The following ARMC2 variants were observed in gnomAD, a reference collection of about 807,000 sequenced individuals.
ARMC2 encodes the protein armadillo repeat-containing protein 2.
A neutral mutation model predicts 90.3 loss-of-function variants in ARMC2; 67 were observed. The ratio of observed to expected loss-of-function variants is 0.74; its 90% CI spans 0.61 to 0.91. The LOEUF (loss-of-function observed/expected upper bound fraction) is 0.91. ARMC2 is among the 40% of genes least tolerant of loss of function. The pLI is 0.00. For missense variants in ARMC2, 920 were observed against 1,030.9 expected (o/e 0.89, Z 1.47); for synonymous variants, 393 against 393.0 (o/e 1.00, Z 0.00).
the ARMC2 span, among the ~76,000 whole-genome samples, chr6:109,014,649 T>C: frequency 6.6e-6 from 1 of 152,160 alleles, no homozygotes; most frequent in African/African-American, 2.4e-5. Flanking sequence ...TTTTGTTTTG[T>C]TTTTAAGAAA....
chr6:108,945,667 A>G (rs147980182), intron 12 of ARMC2, among the ~76,000 whole-genome samples: 15 of 152,372 alleles, frequency 9.8e-5, no homozygotes, highest in African/African-American at 3.1e-4. Flanking sequence ...GTCTTCAGCC[A>G]TGTATGCACA....
intron 5 of ARMC2, chr6:108,880,077 A>C: frequency 2.6e-6 from 1 of 385,668 alleles, no homozygotes; most frequent in Non-Finnish European, 5.1e-6. Context: ...CAATGAAAGC[A>C]GCAAAGAATG....
At chr6:108,946,694 G>A (rs1209170440) in intron 12 of ARMC2, among the ~76,000 whole-genome samples, 3 of 152,184 alleles carry the variant, frequency 2.0e-5, no homozygotes, top group Admixed American at 6.5e-5. Context: ...CGGATTTTAA[G>A]TATATTTACA....
At chr6:108,999,406 T>G in the ARMC2 span, among the ~76,000 whole-genome samples, 1 of 152,200 alleles carries the variant, frequency 6.6e-6, no homozygotes, top group Non-Finnish European at 1.5e-5. Flanking sequence ...ATAGTATCTA[T>G]TCTATGAAAT....
rs1322448150 is a variant in ARMC2 at position 108,927,381 on chromosome 6, T to C, written c.1351-707T>C. Among the ~76,000 whole-genome samples the C allele has an allele frequency of 1.6e-4, 25 of 152,330 alleles. No individual in the cohort carries two copies. The East Asian group carries it at 3.3e-3, about 20-fold the overall frequency. Reference sequence around the variant, plus strand: ...AGGTTAAATAACTAACCCAGGCTGATGGGTGGTGAGGCTGAACTGGCTCTT... The same window carrying C: ...AGGTTAAATAACTAACCCAGGCTGACGGGTGGTGAGGCTGAACTGGCTCTT... On this transcript the variant is annotated intron_variant, in intron 10 of 17. Coordinates refer to ENST00000392644, the MANE Select transcript of ARMC2 (RefSeq NM_032131.6).
At chr6:108,883,678 C>G (rs1777808455) in intron 5 of ARMC2, among the ~76,000 whole-genome samples, 1 of 152,206 alleles carries the variant, frequency 6.6e-6, no homozygotes, top group Admixed American at 6.5e-5. Context: ...AAACTATTCT[C>G]TCTTTGTGAA....
chr6:108,881,618 A>C (rs1298166129), intron 5 of ARMC2, among the ~76,000 whole-genome samples: 1 of 152,184 alleles, frequency 6.6e-6, no homozygotes, highest in East Asian at 1.9e-4. Flanking sequence ...TAAGGACTCC[A>C]TTCAAGATCC....
chr6:108,860,004 TAAAAA>T (rs140061937), intron 3 of ARMC2, among the ~76,000 whole-genome samples: 1 of 135,806 alleles, frequency 7.4e-6, no homozygotes, highest in African/African-American at 2.8e-5. Context: ...AACTCTGTCT[TAAAAA>T]AAAAAAAAAA....
At chr6:108,992,769 T>A in the ARMC2 span, 1 of 1,467,462 alleles carries the variant, frequency 6.8e-7, no homozygotes, top group Non-Finnish European at 9.6e-7. Context: ...ATCATGTGCA[T>A]ACAAGTTGCA....
At position 108,910,983 on chromosome 6, in the gene ARMC2, C is replaced by A; in HGVS notation, c.1108C>A (p.Gln370Lys). 6.3e-7 allele frequency: 1 copy of A among 1,579,426 alleles called. No individual in the cohort carries two copies. Among genetic ancestry groups the A allele is most frequent in the South Asian group, 1.2e-5 (1 of 83,554 alleles). ...GAATGAGAAGAATGATTCTTTGATT[C>A]AAAATGACAGCATTCTGGGTGAGTG... Reference protein sequence around the residue: ...SRNEKNDSLIQNDSILESLLE... With the variant: ...SRNEKNDSLIKNDSILESLLE... The change falls in exon 9 of 18, where the codon CAA becomes AAA. Residue 370 changes from glutamine (Q) to lysine (K), a missense_variant. Transcript: ENST00000392644.
intron 1 of ARMC2, 74 bp from the exon 2 acceptor site, chr6:108,854,151 G>A: frequency 1.4e-6 from 1 of 733,202 alleles, no homozygotes; most frequent in African/African-American, 1.8e-5. Context: ...TTTAGTATAT[G>A]GATGGGCTTA....
chr6:108,913,640 T>G (rs1348273730), intron 10 of ARMC2, among the ~76,000 whole-genome samples: 2 of 152,220 alleles, frequency 1.3e-5, no homozygotes, highest in Non-Finnish European at 2.9e-5. Context: ...TCACCTGCAA[T>G]TTTTTCACCC....
At chr6:109,011,071 A>C in the ARMC2 span, among the ~76,000 whole-genome samples, 9 of 150,640 alleles carry the variant, frequency 6.0e-5, no homozygotes, top group South Asian at 1.9e-3. Context: ...TGAAGGAATC[A>C]CAGTTTTAGT....
intron 1 of ARMC2, among the ~76,000 whole-genome samples, chr6:108,851,792 A>G (rs1423393060): frequency 6.6e-6 from 1 of 152,156 alleles, no homozygotes; most frequent in Non-Finnish European, 1.5e-5. Flanking sequence ...ATTATTTTTT[A>G]AAAGATTCTA....
chr6:108,892,781 G>T (rs536405381), intron 5 of ARMC2, among the ~76,000 whole-genome samples: 5 of 151,116 alleles, frequency 3.3e-5, no homozygotes, highest in Non-Finnish European at 5.9e-5. Flanking sequence ...AAAAAAAGGT[G>T]GGGGGAACAT....
chr6:108,928,380 A>G (rs1378360672), intron 11 of ARMC2, 147 bp downstream of exon 11: 3 of 802,286 alleles, frequency 3.7e-6, no homozygotes, highest in Non-Finnish European at 5.4e-6. Flanking sequence ...TAGTGGCCCA[A>G]GTTAAAAATG....
In ARMC2 at chr6:108,910,973, T is replaced by A. The variant is rs1233042230; in HGVS notation, c.1098T>A (p.Asp366Glu). ...AAATTAGCAGGAATGAGAAGAATGA[T>A]TCTTTGATTCAAAATGACAGCATTC... ...IFKISRNEKNDSLIQNDSILE... is the reference protein window; with the variant it reads ...IFKISRNEKNESLIQNDSILE... The change falls in exon 9 of 18, where the codon GAT becomes GAA. Residue 366 changes from aspartate to glutamate, a missense_variant. Asp to Glu is a conservative substitution (Grantham distance 45). Coordinates refer to ENST00000392644, the MANE Select transcript of ARMC2 (RefSeq NM_032131.6). 1.3e-6 allele frequency: 2 copies of A among 1,583,530 alleles called. No individual in the cohort carries two copies. The highest frequency in any genetic ancestry group is 2.7e-5 in the African/African-American group (2 of 74,442).
the ARMC2 span, chr6:108,994,698 CTT>C: frequency 0.049 from 14,201 of 287,522 alleles, no homozygotes; most frequent in South Asian, 0.079. Flanking sequence ...GAATTTATAT[CTT>C]TTTTTTTTTT....
chr6:108,947,626 G>T (rs1264781142), intron 12 of ARMC2, among the ~76,000 whole-genome samples: 1 of 152,090 alleles, frequency 6.6e-6, no homozygotes, highest in Admixed American at 6.6e-5. Flanking sequence ...TAACTTGTTT[G>T]CTCATTGGGG....
Sources: allele counts gnomAD v4.1 joint callset (sites outside exome capture counted in the v4.1 genomes callset), GRCh38; gene constraint gnomAD v4.1.1; transcripts MANE v1.5; gene names NCBI Gene and HGNC (gene_info 2026-07-23, HGNC 2026-07-21).